NLN: variants seen among roughly 807,000 people sequenced by gnomAD.
NLN encodes the protein neurolysin.
Under a neutral mutation model 79.9 loss-of-function variants are expected in NLN, and 64 were observed. The ratio of observed to expected loss-of-function variants is 0.80; its 90% CI spans 0.65 to 0.99. NLN has a LOEUF of 0.99. NLN is among the 50% of genes least tolerant of loss of function. NLN has a pLI of 0.00. For missense variants in NLN, 835 were observed against 858.7 expected (o/e 0.97, Z 0.34); for synonymous variants, 267 against 296.6 (o/e 0.90, Z 1.02).
chr5:65,812,576 C>G (rs1760578141), intron 12 of NLN, among the ~76,000 whole-genome samples, 185 bp downstream of exon 12: 1 of 152,048 alleles, frequency 6.6e-6, no homozygotes, highest in Non-Finnish European at 1.5e-5. Context: ...GTGATTAATT[C>G]TATAGTTTAA....
intron 12 of NLN, among the ~76,000 whole-genome samples, chr5:65,819,542 G>A (rs888262717): frequency 6.6e-6 from 1 of 152,160 alleles, no homozygotes; most frequent in African/African-American, 2.4e-5. Flanking sequence ...AAAGATACAT[G>A]CTAATCTTCT....
At chr5:65,794,606 A>C (rs182750990) in intron 9 of NLN, among the ~76,000 whole-genome samples, 1 of 152,032 alleles carries the variant, frequency 6.6e-6, no homozygotes, top group African/African-American at 2.4e-5. Context: ...CCCGGTCTCA[A>C]AAGAAAAAAA....
chr5:65,725,334 A>C (rs1225530883), intron 1 of NLN, among the ~76,000 whole-genome samples: 1 of 152,242 alleles, frequency 6.6e-6, no homozygotes, highest in African/African-American at 2.4e-5. Context: ...GACAAATCGT[A>C]GCTTTTTAAA....
intron 9 of NLN, chr5:65,809,015 C>G (rs1458233206): frequency 6.5e-6 from 1 of 152,754 alleles, no homozygotes; most frequent in Non-Finnish European, 1.5e-5. Context: ...AAGACCTAAG[C>G]AATAGAGTGA....
At chr5:65,726,146 A>G (rs1758465075) in intron 1 of NLN, among the ~76,000 whole-genome samples, 1 of 152,184 alleles carries the variant, frequency 6.6e-6, no homozygotes, top group South Asian at 2.1e-4. Context: ...TTCCATGAAA[A>G]AAATCTATTT....
Position 65,809,634 on chromosome 5 carries a change from T to TA in NLN, c.1650dup (p.Asp551ArgfsTer11), listed in dbSNP as rs1561212039. ...CCCTCCGAAGATTGTCAAAACATTA[T>TA]AAAGATGGAAGCCCTATTGCAGACG... is the stretch of plus-strand genomic sequence containing the variant. On this transcript the variant is annotated frameshift_variant, in exon 10 of 13. Coordinates refer to ENST00000380985, the MANE Select transcript of NLN (RefSeq NM_020726.5). LOFTEE classifies it high-confidence loss of function. 6.2e-7 allele frequency: 1 copy of TA among 1,614,054 alleles called. No homozygotes were observed. Among genetic ancestry groups the TA allele is most frequent in the Non-Finnish European group, 8.5e-7 (1 of 1,179,998 alleles).
chr5:65,802,231 G>A (rs1274614154), intron 9 of NLN, among the ~76,000 whole-genome samples: 1 of 152,214 alleles, frequency 6.6e-6, no homozygotes, highest in African/African-American at 2.4e-5. Flanking sequence ...AAGTGGAGTG[G>A]CAAGGGGTGC....
chr5:65,814,132 C>A (rs1487493904), intron 12 of NLN, among the ~76,000 whole-genome samples: 1 of 152,136 alleles, frequency 6.6e-6, no homozygotes, highest in Non-Finnish European at 1.5e-5. Context: ...CTTTTCACAG[C>A]CTAATTTCTT....
chr5:65,742,497 A>G (rs1415950010), intron 1 of NLN, among the ~76,000 whole-genome samples: 1 of 152,180 alleles, frequency 6.6e-6, no homozygotes, highest in Non-Finnish European at 1.5e-5. Context: ...GGCTACTCAA[A>G]ATAAAGGCCA....
At chr5:65,733,169 G>A in intron 1 of NLN, 13 of 1,496,904 alleles carry the variant, frequency 8.7e-6, no homozygotes, top group Non-Finnish European at 1.2e-5. Context: ...TGGAGTGTCT[G>A]TCTTAGTAAC....
At chr5:65,774,026 T>C (rs1759625594) in intron 3 of NLN, among the ~76,000 whole-genome samples, 1 of 151,156 alleles carries the variant, frequency 6.6e-6, no homozygotes. Flanking sequence ...GTATGGTACA[T>C]TGGGAAAAAC....
intron 3 of NLN, among the ~76,000 whole-genome samples, chr5:65,763,948 A>G (rs1337937052): frequency 3.9e-5 from 6 of 152,156 alleles, no homozygotes; most frequent in South Asian, 2.1e-4. Flanking sequence ...CATTTGGTCT[A>G]TAAACTTCAT....
intron 3 of NLN, among the ~76,000 whole-genome samples, chr5:65,770,299 C>G (rs1759539504): frequency 6.6e-6 from 1 of 152,100 alleles, no homozygotes. Context: ...GTGATGCATT[C>G]TAGGATATAT....
At chr5:65,740,255 A>G (rs1042218678) in intron 1 of NLN, among the ~76,000 whole-genome samples, 11 of 152,204 alleles carry the variant, frequency 7.2e-5, no homozygotes, top group African/African-American at 2.7e-4. Context: ...GTGTGTCATA[A>G]CATGGTGGAG....
intron 9 of NLN, among the ~76,000 whole-genome samples, chr5:65,794,640 A>G (rs1760132823): frequency 6.6e-6 from 1 of 151,974 alleles, no homozygotes; most frequent in African/African-American, 2.4e-5. Context: ...AAATATGTAC[A>G]GTGGGGTTAG....
chr5:65,817,279 C>A (rs1760690193), intron 12 of NLN, among the ~76,000 whole-genome samples: 1 of 152,046 alleles, frequency 6.6e-6, no homozygotes, highest in African/African-American at 2.4e-5. Flanking sequence ...TATATATTAC[C>A]TAAAGTACTT....
At chr5:65,727,752 G>C (rs1758510362) in intron 1 of NLN, among the ~76,000 whole-genome samples, 1 of 152,072 alleles carries the variant, frequency 6.6e-6, no homozygotes, top group Non-Finnish European at 1.5e-5. Context: ...AATTAGAAAA[G>C]ACAGCTTGGT....
At chr5:65,810,602 C>T (rs1243621730) in intron 11 of NLN, among the ~76,000 whole-genome samples, 48 of 152,166 alleles carry the variant, frequency 3.2e-4, no homozygotes, top group Admixed American at 3.1e-3. Flanking sequence ...GTGTTACATA[C>T]AGTCCACTTG....
intron 1 of NLN, among the ~76,000 whole-genome samples, chr5:65,750,311 C>T (rs1759076998): frequency 6.6e-6 from 1 of 152,196 alleles, no homozygotes; most frequent in Admixed American, 6.5e-5. Flanking sequence ...TTTATTTACT[C>T]ATAATTCATT....
Sources: gnomAD v4.1 joint callset for allele counts (sites outside exome capture counted in the v4.1 genomes callset) on GRCh38, gnomAD v4.1.1 for gene constraint, MANE v1.5 for transcripts, NCBI Gene and HGNC (gene_info 2026-07-23, HGNC 2026-07-21) for gene names.